The following EXOC4 variants were observed in gnomAD, a reference collection of about 807,000 sequenced individuals.
EXOC4 encodes the protein SEC8-like 1.
EXOC4 carries 71 observed loss-of-function variants against 107.2 expected under a neutral mutation model. The observed-to-expected ratio is 0.66, with a 90% CI of 0.55 to 0.81. The LOEUF (loss-of-function observed/expected upper bound fraction) is 0.81. Among genes scored for constraint, EXOC4 ranks in the 30% least tolerant of loss-of-function variants. The probability of loss-of-function intolerance (pLI) is 0.00; values close to 1 mark genes in which losing one functional copy is unlikely to be tolerated. For missense variants in EXOC4, 1,108 were observed against 1,189.6 expected (o/e 0.93, Z 1.01); for synonymous variants, 456 against 441.2 (o/e 1.03, Z -0.42).
chr7:133,959,450 A>G (rs886432653), intron 14 of EXOC4, among the ~76,000 whole-genome samples: 1 of 151,942 alleles, frequency 6.6e-6, no homozygotes, highest in Admixed American at 6.5e-5. Flanking sequence ...AAGGTGGAAA[A>G]AAAAGACAAA....
chr7:134,073,231 A>AAAAAAAAC, the EXOC4 span, among the ~76,000 whole-genome samples: 4 of 9,404 alleles, frequency 4.3e-4, no homozygotes, highest in South Asian at 0.028. Context: ...AAAAAAAAAA[A>AAAAAAAAC]ACAACAAAGA....
intron 7 of EXOC4, among the ~76,000 whole-genome samples, chr7:133,378,949 A>T (rs572420820): frequency 2.6e-5 from 4 of 152,256 alleles, no homozygotes; most frequent in African/African-American, 9.6e-5. Flanking sequence ...TTTAAAAAAA[A>T]CCAAGACCCA....
intron 13 of EXOC4, among the ~76,000 whole-genome samples, chr7:133,921,470 G>A (rs770765615): frequency 6.6e-6 from 1 of 152,036 alleles, no homozygotes; most frequent in African/African-American, 2.4e-5. Flanking sequence ...TCACAACTGA[G>A]GATTGTTTTT....
intron 5 of EXOC4, among the ~76,000 whole-genome samples, chr7:133,335,033 A>G (rs1795480147): frequency 6.6e-6 from 1 of 152,122 alleles, no homozygotes; most frequent in South Asian, 2.1e-4. Flanking sequence ...TTGTGTGAGT[A>G]TTTAGATTGT....
intron 9 of EXOC4, among the ~76,000 whole-genome samples, chr7:133,537,724 T>C (rs1160490204): frequency 6.6e-6 from 1 of 152,198 alleles, no homozygotes; most frequent in Admixed American, 6.5e-5. Flanking sequence ...CCAACATGGA[T>C]TTTACTGTTG....
intron 10 of EXOC4, among the ~76,000 whole-genome samples, chr7:133,739,532 C>G (rs1031155444): frequency 1.3e-5 from 2 of 152,148 alleles, no homozygotes; most frequent in South Asian, 2.1e-4. Context: ...TAGAGAAACA[C>G]TTGGCTTACA....
At chr7:133,637,441 T>C (rs1019049181) in intron 10 of EXOC4, among the ~76,000 whole-genome samples, 1 of 152,196 alleles carries the variant, frequency 6.6e-6, no homozygotes, top group Non-Finnish European at 1.5e-5. Context: ...TTCACAGGTA[T>C]GTGATATTTT....
In EXOC4 at chr7:133,407,399, G is replaced by A. The variant is rs993301706; in HGVS notation, c.1182+32397G>A. On this transcript the variant is annotated intron_variant, in intron 7 of 17. Coordinates refer to ENST00000253861, the MANE Select transcript of EXOC4 (RefSeq NM_021807.4). The stretch of plus-strand genomic sequence containing the variant: ...GGAATATCTCCATTGTTGTGGTCTC[G>A]AATAAAATCTTCCTTACCATTTTTA... Among the ~76,000 whole-genome samples the A allele has an allele frequency of 3.9e-5, 6 of 152,194 alleles. No homozygotes were observed. In the South Asian group the frequency reaches 6.2e-4, roughly 16 times the overall value.
intron 17 of EXOC4, among the ~76,000 whole-genome samples, chr7:134,061,170 A>G (rs1796048040): frequency 2.6e-5 from 4 of 152,226 alleles, no homozygotes. Flanking sequence ...AAAACCAGCC[A>G]GTATCCCTGG....
At chr7:133,769,040 A>G (rs1212669371) in intron 10 of EXOC4, among the ~76,000 whole-genome samples, 1 of 151,962 alleles carries the variant, frequency 6.6e-6, no homozygotes, top group African/African-American at 2.4e-5. Flanking sequence ...GATGTCTGAT[A>G]CTTGGGCCGG....
intron 7 of EXOC4, among the ~76,000 whole-genome samples, chr7:133,404,704 T>G (rs1243881651): frequency 6.6e-6 from 1 of 152,048 alleles, no homozygotes; most frequent in Non-Finnish European, 1.5e-5. Flanking sequence ...CCTGGCACAT[T>G]AGAAATATTT....
intron 4 of EXOC4, among the ~76,000 whole-genome samples, chr7:133,312,821 A>T (rs1224477428): frequency 6.6e-6 from 1 of 151,624 alleles, no homozygotes; most frequent in Non-Finnish European, 1.5e-5. Flanking sequence ...TACCAAAATG[A>T]TGTGAATGGA....
rs368963189 is a variant in EXOC4, at chr7:133,281,451, C to T, written c.276+6280C>T. On this transcript the variant is annotated intron_variant, in intron 2 of 17. Transcript: ENST00000253861. Reference sequence around the variant, plus strand: ...TAGTACTTATATGTAGATTTACTTTCGCCAACAAAATTCAACAAAAACAAA... The same window carrying T: ...TAGTACTTATATGTAGATTTACTTTTGCCAACAAAATTCAACAAAAACAAA... 2.0e-4 allele frequency among the ~76,000 whole-genome samples: 30 copies of T among 150,008 alleles called. No homozygotes were observed. In the South Asian group the frequency reaches 4.6e-3, roughly 23 times the overall value.
At chr7:133,336,010 G>A (rs1036126523) in intron 5 of EXOC4, among the ~76,000 whole-genome samples, 17 of 152,154 alleles carry the variant, frequency 1.1e-4, no homozygotes, top group Non-Finnish European at 1.9e-4. Flanking sequence ...ACCTACTCAA[G>A]TCCTTTGCCC....
chr7:133,292,109 C>T (rs1794420281), intron 3 of EXOC4, among the ~76,000 whole-genome samples: 1 of 152,158 alleles, frequency 6.6e-6, no homozygotes, highest in South Asian at 2.1e-4. Flanking sequence ...CTTTGGGAGG[C>T]TGAGGTGGGC....
chr7:134,058,677 T>A (rs1365000657), intron 17 of EXOC4, among the ~76,000 whole-genome samples: 1 of 129,736 alleles, frequency 7.7e-6, no homozygotes, highest in South Asian at 2.4e-4. Context: ...AAGAAAGAGC[T>A]GAGTATGGGA....
At position 133,994,493 on chromosome 7, in the gene EXOC4, T is replaced by G. The variant is rs1041645379; in HGVS notation, c.2207-2999T>G. Reference sequence around the variant, plus strand: ...GAAACAAACCTGCACGTTCAGCACATGTATCCCAGAACTTAAAGTAAGCTA... The same window carrying G: ...GAAACAAACCTGCACGTTCAGCACAGGTATCCCAGAACTTAAAGTAAGCTA... On this transcript the variant is annotated intron_variant, in intron 14 of 17. Coordinates refer to ENST00000253861, the MANE Select transcript of EXOC4 (RefSeq NM_021807.4). Among the ~76,000 whole-genome samples, 5 of 152,108 alleles carry G rather than the reference T, an allele frequency of 3.3e-5. No individual in the cohort carries two copies. The South Asian group carries it at 8.3e-4, about 25-fold the overall frequency.
At chr7:133,940,104 T>G (rs539250090) in intron 14 of EXOC4, among the ~76,000 whole-genome samples, 1 of 152,332 alleles carries the variant, frequency 6.6e-6, no homozygotes, top group African/African-American at 2.4e-5. Flanking sequence ...TATTTAATGC[T>G]ACAATCTCTT....
At chr7:133,527,724 T>G (rs1294675921) in intron 9 of EXOC4, among the ~76,000 whole-genome samples, 1 of 152,180 alleles carries the variant, frequency 6.6e-6, no homozygotes. Flanking sequence ...ATTAAAAAAA[T>G]GGCTGTAGTT....
Sources: gnomAD v4.1 joint callset for allele counts (sites outside exome capture counted in the v4.1 genomes callset) on GRCh38, gnomAD v4.1.1 for gene constraint, MANE v1.5 for transcripts, NCBI Gene and HGNC (gene_info 2026-07-23, HGNC 2026-07-21) for gene names.